The following SETX variants were observed in gnomAD, a reference collection of about 807,000 sequenced individuals.
The protein encoded by SETX is senataxin, also known as helicase senataxin.
In SETX, 90 loss-of-function variants were observed where a neutral mutation model predicts 227.2. The ratio of observed to expected loss-of-function variants is 0.40; its 90% CI spans 0.33 to 0.47. The LOEUF is 0.47. SETX is among the 20% of genes least tolerant of loss of function. The probability of loss-of-function intolerance (pLI) is 0.91; values close to 1 mark genes in which losing one functional copy is unlikely to be tolerated. For missense variants in SETX, 3,052 were observed against 3,181.5 expected (o/e 0.96, Z 0.98); for synonymous variants, 1,210 against 1,113.2 (o/e 1.09, Z -1.73).
rs532828022 is a variant in SETX at position 132,264,503 on chromosome 9, G to A, written c.7770C>T (p.Pro2590=). 76 of 1,613,838 alleles carry A rather than the reference G, an allele frequency of 4.7e-5. No homozygotes were observed. The highest frequency in any genetic ancestry group is 2.2e-5 in the East Asian group (1 of 44,866). ...VHQDLSHIQQ[P]AAVVAALSSH... The stretch of plus-strand genomic sequence containing the variant: ...TGCTCAGAGCAGCCACTACAGCAGC[G>A]GGCTGCTGTATATGGCTCAGGTCCT... The change falls in exon 26 of 26, where the codon CCC becomes CCT. Residue 2590 remains proline (P), a synonymous_variant. Coordinates refer to ENST00000224140, the MANE Select transcript of SETX (RefSeq NM_015046.7).
At chr9:132,318,785 C>T (rs1165224113) in intron 10 of SETX, among the ~76,000 whole-genome samples, 2 of 152,104 alleles carry the variant, frequency 1.3e-5, no homozygotes, top group African/African-American at 2.4e-5. Flanking sequence ...CTGCCCTGCA[C>T]CACAAGGTAA....
In SETX at chr9:132,264,045, C is replaced by A. The variant is rs369541411; in HGVS notation, c.*194G>T. The A allele has an allele frequency of 1.5e-6, 1 of 675,616 alleles. No homozygotes were observed. The highest frequency in any genetic ancestry group is 2.5e-6 in the Non-Finnish European group (1 of 399,578). The allele number at this position is 675,616 out of a possible 1,614,324, so 41.9% of individuals were successfully genotyped here. On this transcript the variant is annotated 3_prime_UTR_variant, in exon 26 of 26. Coordinates refer to ENST00000224140, the MANE Select transcript of SETX (RefSeq NM_015046.7). The stretch of plus-strand genomic sequence containing the variant: ...AGGACATTATTACGGATACACAATG[C>A]CCTCTGAAAGCTTTTGCAAATGACA...
At chr9:132,321,673 A>AC (rs1564530419) in intron 10 of SETX, among the ~76,000 whole-genome samples, 3 of 132,526 alleles carry the variant, frequency 2.3e-5, no homozygotes, top group East Asian at 4.3e-4. Context: ...AAAAAAAAAA[A>AC]CTACAAAAAA....
At position 132,328,261 on chromosome 9, in the gene SETX, G is replaced by T. The variant is rs1846974435; in HGVS notation, c.3337C>A (p.Pro1113Thr). Residue 1113 changes from proline (P) to threonine (T), a missense_variant, in exon 10 of 26, where the codon CCT becomes ACT. By Grantham distance (38) the Pro-to-Thr change is conservative. This residue lies in a region of SETX where 1,483 missense variants were observed against 1,312.0 expected (regional missense o/e 1.13). Coordinates refer to ENST00000224140, the MANE Select transcript of SETX (RefSeq NM_015046.7). ...VQDGEKKCLA[P>T]IANTTNGQGC... ...TGACCATTTGTAGTATTGGCTATAG[G>T]AGCCAAACATTTTTTCTCACCATCT... is the stretch of plus-strand genomic sequence containing the variant. 1 of 1,613,894 alleles carries T rather than the reference G, an allele frequency of 6.2e-7. No homozygotes were observed. The highest frequency in any genetic ancestry group is 2.2e-5 in the East Asian group (1 of 44,884).
Position 132,327,213 on chromosome 9 carries a change from T to G in SETX, c.4385A>C (p.Glu1462Ala). ...PTNEVIVSTSEDPLGGGDPTA... is the reference protein window; with the variant it reads ...PTNEVIVSTSADPLGGGDPTA... ...TGGATCACCTCCACCCAGAGGGTCTTCTGAAGTGGAGACAATTACTTCATT... is the reference window on the plus strand; with the variant it reads ...TGGATCACCTCCACCCAGAGGGTCTGCTGAAGTGGAGACAATTACTTCATT... Residue 1462 changes from glutamate to alanine, a missense_variant, in exon 10 of 26, where the codon GAA (glutamate) becomes GCA (alanine). Physicochemically the swap from Glu to Ala is moderately radical, Grantham distance 107 (BLOSUM62 -1). Transcript: ENST00000224140. 6.2e-7 allele frequency: 1 copy of G among 1,614,240 alleles called. No individual in the cohort carries two copies.
Position 132,264,484 on chromosome 9 carries a change from G to C in SETX, c.7789C>G (p.Leu2597Val). ...CGCACGGGAGGTTTGTGGCTGCTCA[G>C]AGCAGCCACTACAGCAGCGGGCTGC... ...IQQPAAVVAA[L>V]SSHKPPVRGE... The change falls in exon 26 of 26, where the codon CTG becomes GTG. Residue 2597 changes from leucine (L) to valine (V), a missense_variant. This residue lies in a region of SETX where 294 missense variants were observed against 278.8 expected (regional missense o/e 1.05). Transcript: ENST00000224140. The C allele has an allele frequency of 1.2e-6, 2 of 1,613,116 alleles. No individual in the cohort carries two copies. Among genetic ancestry groups the C allele is most frequent in the East Asian group, 2.2e-5 (1 of 44,846 alleles).
At chr9:132,275,147 AC>A in intron 23 of SETX, 108 bp downstream of exon 23, 1 of 1,204,308 alleles carries the variant, frequency 8.3e-7, no homozygotes, top group Non-Finnish European at 1.2e-6. Context: ...GTGCCGTATC[AC>A]CAATTTGCAC....
rs1476702668 is a variant in SETX at position 132,275,077 on chromosome 9, T to C, written c.7100+179A>G. On this transcript the variant is annotated intron_variant, in intron 23 of 25. Transcript: ENST00000224140. ...ACATTCCAACTGCCAGGAAGTAACCTGTCTACCCAGGAGCCACACAGCACA... is the reference window on the plus strand; with the variant it reads ...ACATTCCAACTGCCAGGAAGTAACCCGTCTACCCAGGAGCCACACAGCACA... 3 of 634,144 alleles carry C rather than the reference T, an allele frequency of 4.7e-6. No individual in the cohort carries two copies. In the East Asian group the frequency reaches 8.2e-5, roughly 17 times the overall value. 39.3% of individuals were successfully genotyped at this position (634,144 alleles called of 1,614,324 possible).
Position 132,331,155 on chromosome 9 carries a change from T to C in SETX, c.1011-16A>G. The C allele has an allele frequency of 6.2e-7, 1 of 1,610,598 alleles. No homozygotes were observed. Among genetic ancestry groups the C allele is most frequent in the Non-Finnish European group, 8.5e-7 (1 of 1,177,066 alleles). ...TAACTTGGTCCTTAAATATTAAGAA[T>C]AAATAGAAATTACTGAAACGAAGGG... is the stretch of plus-strand genomic sequence containing the variant. On this transcript the variant is annotated splice_polypyrimidine_tract_variant and intron_variant, in intron 8 of 25. Coordinates refer to ENST00000224140, the MANE Select transcript of SETX (RefSeq NM_015046.7).
At chr9:132,278,876 T>C (rs1843335400) in intron 20 of SETX, among the ~76,000 whole-genome samples, 1 of 152,194 alleles carries the variant, frequency 6.6e-6, no homozygotes, top group Admixed American at 6.5e-5. Context: ...CCATCTAATA[T>C]GTACTAAGCA....
intron 23 of SETX, among the ~76,000 whole-genome samples, chr9:132,274,319 G>A (rs900854459): frequency 2.8e-4 from 42 of 152,102 alleles, no homozygotes; most frequent in Non-Finnish European, 7.4e-5. Flanking sequence ...TTGGAAGCAT[G>A]TGAGAATGAC....
chr9:132,264,137 A>G lies in SETX; in HGVS notation c.*102T>C, dbSNP rs2131108942. On this transcript the variant is annotated 3_prime_UTR_variant, in exon 26 of 26. Transcript: ENST00000224140. ...CATTTTCCATGTTTTCCAACAGCAC[A>G]CAAACTCCTTACAAAAAACAAGCTT... 1.3e-6 allele frequency: 2 copies of G among 1,544,246 alleles called. No individual in the cohort carries two copies. Among genetic ancestry groups the G allele is most frequent in the African/African-American group, 1.4e-5 (1 of 73,748 alleles).
intron 2 of SETX, among the ~76,000 whole-genome samples, chr9:132,349,686 T>C (rs1848504885): frequency 6.6e-6 from 1 of 152,148 alleles, no homozygotes. Context: ...CAACATAAAG[T>C]TGTGCTACAG....
intron 1 of SETX, among the ~76,000 whole-genome samples, 165 bp downstream of exon 1, chr9:132,354,752 C>T (rs1030551041): frequency 2.6e-5 from 4 of 152,124 alleles, no homozygotes; most frequent in African/African-American, 9.6e-5. Context: ...GGGGTGCTCC[C>T]GCCCCCGCAC....
chr9:132,346,176 A>G, intron 4 of SETX, 85 bp downstream of exon 4: 1 of 1,111,958 alleles, frequency 9.0e-7, no homozygotes, highest in Non-Finnish European at 1.3e-6. Flanking sequence ...TTTAGCAAAC[A>G]AATTTGCAAT....
intron 24 of SETX, 34 bp downstream of exon 24, chr9:132,271,676 C>T (rs1028917099): frequency 6.6e-7 from 1 of 1,513,326 alleles, no homozygotes; most frequent in Admixed American, 1.7e-5. Context: ...ACAATGTATA[C>T]AAGTATAAAA....
chr9:132,320,593 C>CAAAAAAAAAAAAAAAAAAAAA (rs141457619), intron 10 of SETX, among the ~76,000 whole-genome samples: 2 of 61,068 alleles, frequency 3.3e-5, no homozygotes, highest in African/African-American at 7.0e-5. Flanking sequence ...GACTCCAACT[C>CAAAAAAAAAAAAAAAAAAAAA]AAAAAAAAAA....
Position 132,326,682 on chromosome 9 carries a change from T to C in SETX, c.4916A>G (p.Gln1639Arg), listed in dbSNP as rs150918808. The change falls in exon 10 of 26, where the codon CAG (glutamine) becomes CGG (arginine). Residue 1639 changes from glutamine to arginine, a missense_variant. Coordinates refer to ENST00000224140, the MANE Select transcript of SETX (RefSeq NM_015046.7). ...KGIQSILKVPQPVPLIAQKPV... is the reference protein window; with the variant it reads ...KGIQSILKVPRPVPLIAQKPV... ...CTTCTGAGCTATGAGGGGAACTGGCTGTGGTACTTTCAAAATCGACTGTAT... is the reference window on the plus strand; with the variant it reads ...CTTCTGAGCTATGAGGGGAACTGGCCGTGGTACTTTCAAAATCGACTGTAT... The C allele has an allele frequency of 6.2e-6, 10 of 1,614,204 alleles. No individual in the cohort carries two copies. Among genetic ancestry groups the C allele is most frequent in the South Asian group, 1.1e-5 (1 of 91,090 alleles).
At chr9:132,265,226 T>TG (rs1554801920) in intron 25 of SETX, among the ~76,000 whole-genome samples, 2 of 120,650 alleles carry the variant, frequency 1.7e-5, no homozygotes, top group Admixed American at 8.0e-5. Flanking sequence ...CAACTTTTGT[T>TG]TTTTTTTTTT....
Sources: gnomAD v4.1 joint callset for allele counts (sites outside exome capture counted in the v4.1 genomes callset) on GRCh38, gnomAD v4.1.1 for gene constraint, gnomAD v4.1.1 regional missense constraint, MANE v1.5 for transcripts, NCBI Gene and HGNC (gene_info 2026-07-23, HGNC 2026-07-21) for gene names.